The following DARS1 variants were observed in gnomAD, a reference collection of about 807,000 sequenced individuals.
DARS1 encodes aspartate--tRNA ligase, cytoplasmic.
A neutral mutation model predicts 68.8 loss-of-function variants in DARS1; 51 were observed. The ratio of observed to expected loss-of-function variants is 0.74; its 90% CI spans 0.59 to 0.94. The LOEUF is 0.94. DARS1 is among the 40% of genes least tolerant of loss of function. The pLI is 0.00. For missense variants in DARS1, 607 were observed against 597.3 expected (o/e 1.02, Z -0.17); for synonymous variants, 203 against 190.4 (o/e 1.07, Z -0.55).
intron 4 of DARS1, among the ~76,000 whole-genome samples, chr2:135,949,170 GAAGTATTA>G (rs1276556190): frequency 1.3e-5 from 2 of 152,010 alleles, no homozygotes; most frequent in Admixed American, 6.6e-5. Context: ...GGGAGAGTGG[GAAGTATTA>G]TATAAGCACA....
At chr2:135,946,098 G>A (rs763041410) in intron 4 of DARS1, among the ~76,000 whole-genome samples, 3 of 152,140 alleles carry the variant, frequency 2.0e-5, no homozygotes, top group Non-Finnish European at 4.4e-5. Flanking sequence ...CAGACTATCC[G>A]AGGGTTTTAT....
At chr2:135,971,552 A>G (rs1433047370) in intron 3 of DARS1, among the ~76,000 whole-genome samples, 1 of 152,210 alleles carries the variant, frequency 6.6e-6, no homozygotes, top group Non-Finnish European at 1.5e-5. Context: ...GCTCATTTTC[A>G]CCACTGTTAT....
At chr2:135,973,622 A>T (rs1682434519) in intron 3 of DARS1, among the ~76,000 whole-genome samples, 1 of 152,156 alleles carries the variant, frequency 6.6e-6, no homozygotes. Flanking sequence ...TGGGAGGCTG[A>T]GGTGGATAGA....
intron 3 of DARS1, among the ~76,000 whole-genome samples, chr2:135,973,239 C>A (rs947527297): frequency 6.6e-6 from 1 of 151,994 alleles, no homozygotes; most frequent in Non-Finnish European, 1.5e-5. Flanking sequence ...TACTATCCAG[C>A]CATAAAAAAG....
chr2:135,979,293 A>G lies in DARS1; in HGVS notation c.198T>C (p.Val66=). ...ADEVVWVRAR[V]HTSRAKGKQC... The stretch of plus-strand genomic sequence containing the variant: ...TCCTACCTTTAGCTCTGCTTGTATG[A>G]ACTCTTGCACGTACCCAAACAACTT... Residue 66 remains valine (V), a synonymous_variant, in exon 3 of 16, where the codon GTT becomes GTC. Coordinates refer to ENST00000264161, the MANE Select transcript of DARS1 (RefSeq NM_001349.4). 4 of 1,438,228 alleles carry G rather than the reference A, an allele frequency of 2.8e-6. No homozygotes were observed. The highest frequency in any genetic ancestry group is 3.9e-6 in the Non-Finnish European group (4 of 1,019,614). The allele number at this position is 1,438,228 out of a possible 1,614,324, so 89.1% of individuals were successfully genotyped here.
chr2:135,911,460 C>T lies in DARS1; in HGVS notation c.1264G>A (p.Gly422Arg). The change falls in exon 14 of 16, where the codon GGA becomes AGA. Residue 422 changes from glycine to arginine, a missense_variant. Gly to Arg is a moderately radical substitution (Grantham distance 125, BLOSUM62 -2). Transcript: ENST00000264161. ...TGAGCTCCTGACAATATTTCTTCTCCTCTCATGAACATATCGTAAGAGTTG... is the reference window on the plus strand; with the variant it reads ...TGAGCTCCTGACAATATTTCTTCTCTTCTCATGAACATATCGTAAGAGTTG... Reference protein sequence around the residue: ...QSNSYDMFMRGEEILSGAQRI... With the variant: ...QSNSYDMFMRREEILSGAQRI... 2 of 1,051,476 alleles carry T rather than the reference C, an allele frequency of 1.9e-6. No individual in the cohort carries two copies. The highest frequency in any genetic ancestry group is 3.0e-6 in the Non-Finnish European group (2 of 665,482). 65.1% of individuals were successfully genotyped at this position (1,051,476 alleles called of 1,614,324 possible). A position where few individuals can be genotyped will look rare whatever the true frequency, so the allele number is the denominator to read the frequency against.
chr2:135,979,663 C>G (rs1401109451), intron 2 of DARS1, among the ~76,000 whole-genome samples: 1 of 152,232 alleles, frequency 6.6e-6, no homozygotes, highest in Non-Finnish European at 1.5e-5. Context: ...AGCTTCCTAA[C>G]TGCAATCCCT....
At chr2:135,969,408 T>C (rs1196312332) in intron 3 of DARS1, among the ~76,000 whole-genome samples, 2 of 151,884 alleles carry the variant, frequency 1.3e-5, no homozygotes, top group African/African-American at 2.4e-5. Flanking sequence ...ATAGAAAAGG[T>C]TGGGGCAGAG....
intron 2 of DARS1, among the ~76,000 whole-genome samples, chr2:135,981,674 CTT>C (rs1312008531): frequency 5.7e-5 from 8 of 140,504 alleles, no homozygotes; most frequent in Admixed American, 7.1e-5. Context: ...GAAATTTTGG[CTT>C]TTTTTTTTTT....
At chr2:135,917,487 A>T (rs568192967) in intron 10 of DARS1, among the ~76,000 whole-genome samples, 56 of 152,024 alleles carry the variant, frequency 3.7e-4, no homozygotes, top group African/African-American at 1.3e-3. Flanking sequence ...TATTTTTTTT[A>T]ATTTCTGAGA....
intron 3 of DARS1, among the ~76,000 whole-genome samples, chr2:135,973,854 C>T (rs1258251850): frequency 6.6e-6 from 1 of 151,814 alleles, no homozygotes; most frequent in Non-Finnish European, 1.5e-5. Context: ...CCATACTTGT[C>T]TCAAAAAATA....
intron 7 of DARS1, among the ~76,000 whole-genome samples, chr2:135,928,062 C>A (rs547955795): frequency 2.1e-3 from 317 of 152,298 alleles, no homozygotes; most frequent in Non-Finnish European, 3.6e-3. Flanking sequence ...AAAATTCAAA[C>A]AAACCCAAAC....
At chr2:135,984,721 A>G (rs1392137740) in intron 1 of DARS1, among the ~76,000 whole-genome samples, 3 of 152,218 alleles carry the variant, frequency 2.0e-5, no homozygotes, top group Non-Finnish European at 2.9e-5. Flanking sequence ...CCAGACGGAA[A>G]TTAAGGCTTA....
chr2:135,965,038 G>A (rs2104837183), intron 3 of DARS1, among the ~76,000 whole-genome samples: 1 of 152,030 alleles, frequency 6.6e-6, no homozygotes, highest in South Asian at 2.1e-4. Flanking sequence ...GTAAAAGTGT[G>A]CCAGTACAAA....
chr2:135,956,982 C>G (rs747292417), intron 4 of DARS1, among the ~76,000 whole-genome samples: 5 of 151,942 alleles, frequency 3.3e-5, no homozygotes, highest in Non-Finnish European at 5.9e-5. Context: ...CCAGGTTGGT[C>G]TTGAACTCCT....
At chr2:135,954,705 T>A (rs1292090750) in intron 4 of DARS1, among the ~76,000 whole-genome samples, 1 of 152,184 alleles carries the variant, frequency 6.6e-6, no homozygotes, top group African/African-American at 2.4e-5. Context: ...GCTTCTTAAA[T>A]ATTAAAAATA....
At chr2:135,951,104 G>A (rs897983333) in intron 4 of DARS1, among the ~76,000 whole-genome samples, 5 of 152,150 alleles carry the variant, frequency 3.3e-5, no homozygotes, top group African/African-American at 1.2e-4. Context: ...GAGGATTATT[G>A]GGTAAAACAA....
chr2:135,920,354 T>G, intron 10 of DARS1, 99 bp downstream of exon 10: 10 of 1,463,502 alleles, frequency 6.8e-6, no homozygotes, highest in Non-Finnish European at 9.0e-6. Flanking sequence ...TATATGTTCA[T>G]AGAAACTTAA....
chr2:135,916,372 C>G lies in DARS1; in HGVS notation c.960G>C (p.Arg320Ser). 3.3e-6 allele frequency: 5 copies of G among 1,514,476 alleles called. No individual in the cohort carries two copies. Among genetic ancestry groups the G allele is most frequent in the Non-Finnish European group, 4.6e-6 (5 of 1,090,614 alleles). 93.8% of individuals were successfully genotyped at this position (1,514,476 alleles called of 1,614,324 possible). The change falls in exon 11 of 16, where the codon AGG becomes AGC. Residue 320 changes from arginine to serine, a missense_variant and splice_region_variant. Arg to Ser is a moderately radical substitution (Grantham distance 110, BLOSUM62 -1). Coordinates refer to ENST00000264161, the MANE Select transcript of DARS1 (RefSeq NM_001349.4). ...MVQIFKGLQE[R>S]FQTEIQTVNK... ...TCACTGTTTGAATTTCAGTCTGAAA[C>G]CTATTTGCAGAATGATTTAGTTAAT...
Sources: allele counts gnomAD v4.1 joint callset (sites outside exome capture counted in the v4.1 genomes callset), GRCh38; gene constraint gnomAD v4.1.1; transcripts MANE v1.5; gene names NCBI Gene and HGNC (gene_info 2026-07-23, HGNC 2026-07-21).